NEGR1: variants seen among roughly 807,000 people sequenced by gnomAD.
The protein encoded by NEGR1 is IgLON family member 4.
In NEGR1, 10 loss-of-function variants were observed where a neutral mutation model predicts 40.9. The ratio of observed to expected loss-of-function variants is 0.24; its 90% confidence interval spans 0.15 to 0.42. NEGR1 has a LOEUF of 0.42. Among genes scored for constraint, NEGR1 ranks in the 10% least tolerant of loss-of-function variants. The probability of loss-of-function intolerance (pLI) is 1.00; values close to 1 mark genes in which losing one functional copy is unlikely to be tolerated. For missense variants in NEGR1, 352 were observed against 438.9 expected (o/e 0.80, Z 1.77); for synonymous variants, 185 against 166.8 (o/e 1.11, Z -0.84).
intron 6 of NEGR1, among the ~76,000 whole-genome samples, chr1:71,496,938 T>G (rs1415614188): frequency 6.6e-6 from 1 of 152,224 alleles, no homozygotes. Flanking sequence ...TTTTCACTAC[T>G]GGAAAATTGA....
intron 1 of NEGR1, among the ~76,000 whole-genome samples, chr1:72,119,042 T>G (rs1293597541): frequency 1.3e-5 from 2 of 151,780 alleles, no homozygotes; most frequent in Admixed American, 1.3e-4. Context: ...TATTTAGATA[T>G]CCAACCTTTT....
chr1:72,019,306 C>T (rs549459142), intron 1 of NEGR1, among the ~76,000 whole-genome samples: 1 of 152,232 alleles, frequency 6.6e-6, no homozygotes, highest in Admixed American at 6.5e-5. Context: ...TAGTGTTAAT[C>T]ATATGGACAC....
At chr1:71,489,226 C>T (rs898382396) in intron 6 of NEGR1, among the ~76,000 whole-genome samples, 5 of 151,736 alleles carry the variant, frequency 3.3e-5, no homozygotes, top group African/African-American at 4.8e-5. Context: ...GAATTGGGAG[C>T]TCTTTCATGA....
intron 1 of NEGR1, among the ~76,000 whole-genome samples, chr1:72,041,000 T>C (rs529368851): frequency 1.3e-5 from 2 of 149,068 alleles, no homozygotes; most frequent in African/African-American, 2.6e-5. Context: ...CCATATGTCA[T>C]TGTAAGTAAC....
intron 1 of NEGR1, among the ~76,000 whole-genome samples, chr1:72,253,740 T>C (rs1454722225): frequency 6.6e-6 from 1 of 152,172 alleles, no homozygotes; most frequent in African/African-American, 2.4e-5. Context: ...ATGCATTTAA[T>C]TGAAATCAAT....
At chr1:71,749,561 A>G (rs565927446) in intron 3 of NEGR1, among the ~76,000 whole-genome samples, 1 of 152,060 alleles carries the variant, frequency 6.6e-6, no homozygotes, top group South Asian at 2.1e-4. Context: ...CCTATTTTTG[A>G]CAGCTGCTTG....
At chr1:71,651,150 T>A (rs1651701319) in intron 4 of NEGR1, among the ~76,000 whole-genome samples, 1 of 152,144 alleles carries the variant, frequency 6.6e-6, no homozygotes, top group Admixed American at 6.5e-5. Context: ...GATTAGTGAA[T>A]GAAATGTGAG....
At chr1:71,561,418 A>AT (rs982466765) in intron 6 of NEGR1, among the ~76,000 whole-genome samples, 7 of 151,422 alleles carry the variant, frequency 4.6e-5, no homozygotes, top group East Asian at 3.9e-4. Context: ...CTTAAAAGGG[A>AT]TTTTTTTTGG....
At chr1:71,484,080 T>C (rs1313082544) in intron 6 of NEGR1, among the ~76,000 whole-genome samples, 1 of 151,700 alleles carries the variant, frequency 6.6e-6, no homozygotes, top group African/African-American at 2.4e-5. Context: ...TTCTACTTAT[T>C]TTACTTAATC....
At chr1:72,051,182 G>T (rs929935917) in intron 1 of NEGR1, among the ~76,000 whole-genome samples, 7 of 151,356 alleles carry the variant, frequency 4.6e-5, no homozygotes, top group African/African-American at 1.7e-4. Context: ...TATAATTAGT[G>T]TGTAATGCAC....
At chr1:71,903,294 C>T (rs555548022) in intron 2 of NEGR1, among the ~76,000 whole-genome samples, 25 of 151,796 alleles carry the variant, frequency 1.6e-4, no homozygotes, top group Non-Finnish European at 2.9e-4. Flanking sequence ...TACATTTTTA[C>T]TAAATAAATA....
At chr1:71,685,057 G>A (rs944897319) in intron 4 of NEGR1, among the ~76,000 whole-genome samples, 1 of 152,022 alleles carries the variant, frequency 6.6e-6, no homozygotes, top group East Asian at 1.9e-4. Context: ...AAATACCAAT[G>A]TATTAAAGCA....
intron 6 of NEGR1, among the ~76,000 whole-genome samples, chr1:71,548,957 G>A (rs1353749451): frequency 6.6e-6 from 1 of 151,828 alleles, no homozygotes; most frequent in East Asian, 2.0e-4. Flanking sequence ...CATTTCATAT[G>A]AGTCTGTGTG....
chr1:72,032,522 T>C (rs903124979), intron 1 of NEGR1, among the ~76,000 whole-genome samples: 10 of 152,206 alleles, frequency 6.6e-5, no homozygotes, highest in Non-Finnish European at 1.5e-4. Context: ...TTTTAGACTA[T>C]AATGTTCTAA....
chr1:71,795,019 A>G (rs754837593), intron 2 of NEGR1, among the ~76,000 whole-genome samples: 8 of 152,138 alleles, frequency 5.3e-5, no homozygotes, highest in Non-Finnish European at 8.8e-5. Context: ...TTAGGCAGAA[A>G]AATTTAAATT....
intron 1 of NEGR1, among the ~76,000 whole-genome samples, chr1:71,988,541 G>T (rs1001479697): frequency 5.0e-5 from 3 of 59,470 alleles, no homozygotes; most frequent in African/African-American, 7.9e-5. Context: ...GCGAGACTCC[G>T]TCTCAAAAAA....
At chr1:71,522,202 T>A (rs1439087170) in intron 6 of NEGR1, among the ~76,000 whole-genome samples, 3 of 152,058 alleles carry the variant, frequency 2.0e-5, no homozygotes, top group African/African-American at 7.2e-5. Flanking sequence ...ATTTTAGGGT[T>A]ATATTCTAAG....
intron 6 of NEGR1, among the ~76,000 whole-genome samples, chr1:71,457,847 AC>A (rs1231179131): frequency 2.0e-5 from 3 of 151,594 alleles, no homozygotes; most frequent in East Asian, 1.9e-4. Context: ...GATTACAGGC[AC>A]CCGCCACCAC....
intron 1 of NEGR1, among the ~76,000 whole-genome samples, chr1:71,962,770 GT>G (rs34191412): frequency 0.32 from 45,881 of 145,102 alleles, 7,905 homozygotes; most frequent in African/African-American, 0.49. Context: ...AATTCTCCAA[GT>G]TTTTTTTTTT....
Sources: allele counts gnomAD v4.1 joint callset (sites outside exome capture counted in the v4.1 genomes callset), GRCh38; gene constraint gnomAD v4.1.1; transcripts MANE v1.5; gene names NCBI Gene and HGNC (gene_info 2026-07-23, HGNC 2026-07-21).